Variants in ANKHD1 observed in about 807,000 individuals in gnomAD.
ANKHD1 encodes the protein ankyrin repeat and KH domain-containing protein 1.
A neutral mutation model predicts 230.5 loss-of-function variants in ANKHD1; 31 were observed. The ratio of observed to expected loss-of-function variants is 0.13; its 90% confidence interval spans 0.10 to 0.18. The LOEUF (loss-of-function observed/expected upper bound fraction) is 0.18. Ranked by LOEUF, ANKHD1 falls within the 10% of genes least tolerant of loss-of-function variation. The pLI is 1.00. For missense variants in ANKHD1, 2,256 were observed against 3,071.3 expected (o/e 0.73, Z 6.27); for synonymous variants, 1,074 against 1,117.6 (o/e 0.96, Z 0.78).
At chr5:140,469,016 G>C (rs1285574406) in intron 10 of ANKHD1, among the ~76,000 whole-genome samples, 1 of 152,092 alleles carries the variant, frequency 6.6e-6, no homozygotes. Flanking sequence ...TCCTGAACCA[G>C]TGTACATCTC....
intron 10 of ANKHD1, among the ~76,000 whole-genome samples, chr5:140,473,948 A>G (rs1394727565): frequency 6.6e-6 from 1 of 152,158 alleles, no homozygotes; most frequent in Non-Finnish European, 1.5e-5. Context: ...CTGCATTTGA[A>G]CTAATATCTC....
intron 15 of ANKHD1, among the ~76,000 whole-genome samples, chr5:140,499,679 G>T (rs943564861): frequency 6.6e-6 from 1 of 152,126 alleles, no homozygotes; most frequent in Non-Finnish European, 1.5e-5. Context: ...GTTCCAAACA[G>T]ACTATATAAA....
chr5:140,439,624 T>G (rs1252804559), intron 3 of ANKHD1, among the ~76,000 whole-genome samples: 2 of 152,022 alleles, frequency 1.3e-5, no homozygotes, highest in Non-Finnish European at 2.9e-5. Context: ...GAGCCAAGAT[T>G]GTGCCACTGC....
intron 10 of ANKHD1, among the ~76,000 whole-genome samples, chr5:140,476,280 C>T (rs1187997464): frequency 2.0e-5 from 3 of 151,816 alleles, no homozygotes; most frequent in African/African-American, 4.8e-5. Flanking sequence ...CTAGAAGTTC[C>T]TGAAGGAGAG....
intron 14 of ANKHD1, among the ~76,000 whole-genome samples, chr5:140,490,407 A>G (rs1191939863): frequency 6.6e-6 from 1 of 152,164 alleles, no homozygotes; most frequent in Admixed American, 6.5e-5. Flanking sequence ...TACCATTTGT[A>G]CAGGCTCCGT....
At chr5:140,452,501 G>A (rs191316469) in intron 7 of ANKHD1, among the ~76,000 whole-genome samples, 19 of 152,254 alleles carry the variant, frequency 1.2e-4, no homozygotes, top group East Asian at 1.9e-4. Context: ...TCACACGGCC[G>A]GGTATCCCTC....
intron 20 of ANKHD1, among the ~76,000 whole-genome samples, chr5:140,508,917 A>T (rs1752648297): frequency 6.6e-6 from 1 of 152,094 alleles, no homozygotes; most frequent in Non-Finnish European, 1.5e-5. Flanking sequence ...CTCTGGAAAG[A>T]CGTAGGTTGG....
intron 1 of ANKHD1, among the ~76,000 whole-genome samples, chr5:140,427,594 G>T (rs1772601769): frequency 6.9e-6 from 1 of 144,452 alleles, no homozygotes; most frequent in African/African-American, 2.6e-5. Context: ...GGCCGGGCGG[G>T]GGGCTGACGC....
chr5:140,427,180 C>T (rs948985072), intron 1 of ANKHD1, among the ~76,000 whole-genome samples: 1 of 146,322 alleles, frequency 6.8e-6, no homozygotes, highest in African/African-American at 2.5e-5. Flanking sequence ...GACGGGGCAG[C>T]TGGCCGGGCA....
chr5:140,410,313 G>A (rs1329817603), intron 1 of ANKHD1, among the ~76,000 whole-genome samples: 2 of 152,100 alleles, frequency 1.3e-5, no homozygotes, highest in Non-Finnish European at 2.9e-5. Context: ...AAAAATTAAA[G>A]TGATAAATTA....
At chr5:140,490,630 T>C (rs1252325188) in intron 14 of ANKHD1, among the ~76,000 whole-genome samples, 2 of 152,246 alleles carry the variant, frequency 1.3e-5, no homozygotes, top group Non-Finnish European at 2.9e-5. Flanking sequence ...ACATAAGTAA[T>C]GTAAATCCGT....
chr5:140,487,974 A>C (rs1001861729), intron 14 of ANKHD1, among the ~76,000 whole-genome samples: 3 of 152,310 alleles, frequency 2.0e-5, no homozygotes, highest in African/African-American at 7.2e-5. Flanking sequence ...AGTAATTTAA[A>C]GTATTGGGGG....
intron 7 of ANKHD1, among the ~76,000 whole-genome samples, chr5:140,453,101 T>A: frequency 6.6e-6 from 1 of 152,110 alleles, no homozygotes; most frequent in Non-Finnish European, 1.5e-5. Flanking sequence ...TTCGATCAAC[T>A]GGAAGAAAGG....
At chr5:140,412,452 C>T (rs957924470) in intron 1 of ANKHD1, among the ~76,000 whole-genome samples, 4 of 152,178 alleles carry the variant, frequency 2.6e-5, no homozygotes, top group Admixed American at 1.3e-4. Flanking sequence ...GCTACCACGC[C>T]TGGCCGGAAA....
Position 140,485,911 on chromosome 5 carries a change from A to G in ANKHD1, c.2142+179A>G, listed in dbSNP as rs1751480273. 15 of 932,512 alleles carry G rather than the reference A, an allele frequency of 1.6e-5. No individual in the cohort carries two copies. In the South Asian group the frequency reaches 2.6e-4, roughly 16 times the overall value. 57.8% of individuals were successfully genotyped at this position (932,512 alleles called of 1,614,324 possible). A position where few individuals can be genotyped will look rare whatever the true frequency, so the allele number is the denominator to read the frequency against. ...CTTTAAAGGTACACTGAAATTTGTT[A>G]TTGCCTTATTTATTGAGAATAGTGG... On this transcript the variant is annotated intron_variant, in intron 13 of 33. Coordinates refer to ENST00000360839, the MANE Select transcript of ANKHD1 (RefSeq NM_017747.3). This position sits in a 1 kb window ranked among gnomAD's most constrained non-coding sequence, Gnocchi z 4.8.
At chr5:140,522,593 C>A (rs1356115998) in intron 24 of ANKHD1, among the ~76,000 whole-genome samples, 1 of 152,112 alleles carries the variant, frequency 6.6e-6, no homozygotes, top group African/African-American at 2.4e-5. Context: ...TCTACTTGAT[C>A]ATGATGTTTT....
rs774661598 is a variant in ANKHD1, at chr5:140,529,521, A to T, written c.6575A>T (p.His2192Leu). 6.2e-7 allele frequency: 1 copy of T among 1,614,212 alleles called. No homozygotes were observed. Among genetic ancestry groups the T allele is most frequent in the South Asian group, 1.1e-5 (1 of 91,088 alleles). ...AVNIMNGSQMHINPANKSLPP... is the reference protein window; with the variant it reads ...AVNIMNGSQMLINPANKSLPP... ...AACATTATGAATGGTTCTCAGATGC[A>T]CATAAACCCAGCAAATAAGTCTTTG... Residue 2192 changes from histidine (H) to leucine (L), a missense_variant, in exon 29 of 34, where the codon CAC (histidine) becomes CTC (leucine). Coordinates refer to ENST00000360839, the MANE Select transcript of ANKHD1 (RefSeq NM_017747.3).
intron 22 of ANKHD1, among the ~76,000 whole-genome samples, chr5:140,510,473 C>T (rs552588392): frequency 3.3e-5 from 5 of 150,984 alleles, no homozygotes; most frequent in East Asian, 2.0e-4. Flanking sequence ...TCACCACACC[C>T]GGCTAATTTT....
At position 140,521,201 on chromosome 5, in the gene ANKHD1, AT is replaced by A. The variant is rs138740401; in HGVS notation, c.4318-2861del. Among the ~76,000 whole-genome samples, 571 of 152,350 alleles carry A rather than the reference AT, an allele frequency of 3.7e-3. 6 individuals are homozygous for A. Among genetic ancestry groups the A allele is most frequent in the African/African-American group, 0.013 (557 of 41,586 alleles). On this transcript the variant is annotated intron_variant, in intron 24 of 33. Transcript: ENST00000360839. ...AGTATGATTATTGAGAGATGCTAAA[AT>A]TTTGACAGCAAATTTTGGTTTAAAA...
Sources: allele counts gnomAD v4.1 joint callset (sites outside exome capture counted in the v4.1 genomes callset), GRCh38; gene constraint gnomAD v4.1.1; non-coding constraint Gnocchi (gnomAD v3.1); transcripts MANE v1.5; gene names NCBI Gene and HGNC (gene_info 2026-07-23, HGNC 2026-07-21).